Variants in GSTA4 observed in about 807,000 individuals in gnomAD.
GSTA4 encodes glutathione S-transferase A4.
A neutral mutation model predicts 24.4 loss-of-function variants in GSTA4; 15 were observed. The observed-to-expected ratio is 0.61, with a 90% CI of 0.41 to 0.95. The LOEUF (loss-of-function observed/expected upper bound fraction) is 0.95. GSTA4 is among the 40% of genes least tolerant of loss of function. The pLI, the probability that GSTA4 is intolerant of heterozygous loss-of-function variation, is 0.00. For missense variants in GSTA4, 244 were observed against 262.1 expected, an observed-to-expected ratio of 0.93 and a Z score of 0.48; for synonymous variants, 92 against 94.2, an observed-to-expected ratio of 0.98 and a Z score of 0.13.
At chr6:52,988,805 T>C (rs180848554) in intron 2 of GSTA4, among the ~76,000 whole-genome samples, 1 of 152,296 alleles carries the variant, frequency 6.6e-6, no homozygotes, top group East Asian at 1.9e-4. Context: ...GTGAAGGCAG[T>C]GTTAATTTTC....
chr6:52,984,795 T>C (rs373167004), intron 4 of GSTA4, among the ~76,000 whole-genome samples, 190 bp from the exon 5 acceptor site: 3 of 151,362 alleles, frequency 2.0e-5, no homozygotes, highest in East Asian at 3.9e-4. Context: ...CTCAGAAAAA[T>C]CTGTCACAGA....
Position 52,978,152 on chromosome 6 carries a change from C to G in GSTA4, c.*318G>C. ...AGACGCTCAGGAGAGTAGAAAGACACTCAGGAGAGAACAAGAGATCCTGCC... is the reference window on the plus strand; with the variant it reads ...AGACGCTCAGGAGAGTAGAAAGACAGTCAGGAGAGAACAAGAGATCCTGCC... On this transcript the variant is annotated 3_prime_UTR_variant, in exon 7 of 7. Transcript: ENST00000370963. The G allele has an allele frequency of 3.6e-6, 1 of 281,068 alleles. No homozygotes were observed. The highest frequency in any genetic ancestry group is 6.6e-6 in the Non-Finnish European group (1 of 152,000). 17.4% of individuals were successfully genotyped at this position (281,068 alleles called of 1,614,324 possible).
intron 6 of GSTA4, among the ~76,000 whole-genome samples, chr6:52,981,498 A>G (rs1288288136): frequency 6.6e-6 from 1 of 152,260 alleles, no homozygotes; most frequent in East Asian, 1.9e-4. Context: ...CATTGTGTAA[A>G]TGAGTGGGCA....
rs1356510713 is a variant in GSTA4 at position 52,985,502 on chromosome 6, T to C, written c.221A>G (p.Tyr74Cys). Residue 74 changes from tyrosine (Y) to cysteine (C), a missense_variant, in exon 4 of 7, where the codon TAC becomes TGC. By Grantham distance (194) the Tyr-to-Cys change is radical (BLOSUM62 -2). Coordinates refer to ENST00000370963, the MANE Select transcript of GSTA4 (RefSeq NM_001512.4). ...KLVQTRSILH[Y>C]IADKHNLFGK... Reference sequence around the variant, plus strand: ...AAAGAGATTGTGCTTGTCTGCTATGTAGTGGAGAATGCTTCGGGTCTGTAC... The same window carrying C: ...AAAGAGATTGTGCTTGTCTGCTATGCAGTGGAGAATGCTTCGGGTCTGTAC... 2 of 1,614,002 alleles carry C rather than the reference T, an allele frequency of 1.2e-6. No homozygotes were observed. The highest frequency in any genetic ancestry group is 1.7e-6 in the Non-Finnish European group (2 of 1,179,850).
At chr6:52,986,681 A>C (rs529395873) in intron 3 of GSTA4, among the ~76,000 whole-genome samples, 3 of 152,270 alleles carry the variant, frequency 2.0e-5, no homozygotes, top group African/African-American at 7.2e-5. Context: ...GCACATGCCT[A>C]GTGGCTTCCA....
intron 6 of GSTA4, among the ~76,000 whole-genome samples, chr6:52,980,122 A>G (rs186098402): frequency 1.3e-5 from 2 of 152,314 alleles, no homozygotes; most frequent in African/African-American, 4.8e-5. Context: ...TTATTATAGT[A>G]TCATCAATGT....
At chr6:52,978,651 A>T in intron 6 of GSTA4, 59 bp from the exon 7 acceptor site, 1 of 1,345,172 alleles carries the variant, frequency 7.4e-7, no homozygotes, top group South Asian at 1.3e-5. Flanking sequence ...TACTACGAAG[A>T]TATGGTTATG....
At chr6:52,984,830 GCT>G (rs1208542255) in intron 4 of GSTA4, among the ~76,000 whole-genome samples, 1 of 152,070 alleles carries the variant, frequency 6.6e-6, no homozygotes, top group Non-Finnish European at 1.5e-5. Context: ...AGTCATGAGT[GCT>G]CTCTCTCCTG....
At chr6:52,979,604 T>C (rs1763411442) in intron 6 of GSTA4, among the ~76,000 whole-genome samples, 1 of 152,242 alleles carries the variant, frequency 6.6e-6, no homozygotes, top group Admixed American at 6.5e-5. Context: ...ATGCTCATCA[T>C]ATATAATTAT....
chr6:52,988,381 G>A (rs1372399764), intron 2 of GSTA4, among the ~76,000 whole-genome samples: 8 of 152,006 alleles, frequency 5.3e-5, no homozygotes, highest in Non-Finnish European at 7.4e-5. Context: ...GATTTATAAT[G>A]GAGAGATCGG....
chr6:52,981,340 T>C (rs1244515764), intron 6 of GSTA4, among the ~76,000 whole-genome samples: 3 of 152,194 alleles, frequency 2.0e-5, no homozygotes, highest in Admixed American at 6.5e-5. Context: ...GTCAAACATA[T>C]AGCAATTTGG....
intron 2 of GSTA4, among the ~76,000 whole-genome samples, chr6:52,989,707 G>A (rs894640700): frequency 2.6e-5 from 4 of 152,082 alleles, no homozygotes; most frequent in African/African-American, 4.8e-5. Flanking sequence ...AAGCCTAGAT[G>A]GTCAGATGTA....
At chr6:52,982,475 T>TGC in intron 6 of GSTA4, 99 bp downstream of exon 6, 1 of 577,204 alleles carries the variant, frequency 1.7e-6, no homozygotes. Context: ...ATATTACACA[T>TGC]ACACACACAC....
chr6:52,982,908 A>C (rs994810279), intron 5 of GSTA4, among the ~76,000 whole-genome samples: 1 of 151,986 alleles, frequency 6.6e-6, no homozygotes, highest in African/African-American at 2.4e-5. Context: ...AGAGAGCGAG[A>C]GAGAGAGAGA....
intron 1 of GSTA4, 101 bp from the exon 2 acceptor site, chr6:52,994,362 G>A (rs902775026): frequency 1.0e-5 from 6 of 582,794 alleles, no homozygotes; most frequent in African/African-American, 3.7e-5. Context: ...ATTTTGGCAC[G>A]GGAAACTGTT....
chr6:52,982,544 G>A, intron 6 of GSTA4, 30 bp downstream of exon 6: 1 of 1,578,376 alleles, frequency 6.3e-7, no homozygotes, highest in East Asian at 2.2e-5. Context: ...AGAGTTCTAG[G>A]CCAATCTTCT....
intron 2 of GSTA4, chr6:52,987,641 G>A: frequency 2.3e-6 from 1 of 440,706 alleles, no homozygotes. Context: ...AGGCTGGGAA[G>A]TGTAGAGAGG....
In GSTA4 at chr6:52,978,029, G is replaced by A. The variant is rs1763378032; in HGVS notation, c.*441C>T. 1 of 157,528 alleles carries A rather than the reference G, an allele frequency of 6.3e-6. No homozygotes were observed. The highest frequency in any genetic ancestry group is 1.4e-5 in the Non-Finnish European group (1 of 72,174). 9.8% of individuals were successfully genotyped at this position (157,528 alleles called of 1,614,324 possible). ...CCATTTTATTTATTACAGCTCAGAG[G>A]AGAGTCATTTACTAGACATTCGGTT... On this transcript the variant is annotated 3_prime_UTR_variant, in exon 7 of 7. Coordinates refer to ENST00000370963, the MANE Select transcript of GSTA4 (RefSeq NM_001512.4).
chr6:52,987,458 G>A (rs753102909), intron 2 of GSTA4, 50 bp from the exon 3 acceptor site: 4 of 987,902 alleles, frequency 4.0e-6, no homozygotes, highest in Non-Finnish European at 6.3e-6. Flanking sequence ...ATATTATTCA[G>A]CCATTAAGAA....
Sources: gnomAD v4.1 joint callset for allele counts (sites outside exome capture counted in the v4.1 genomes callset) on GRCh38, gnomAD v4.1.1 for gene constraint, MANE v1.5 for transcripts, NCBI Gene and HGNC (gene_info 2026-07-23, HGNC 2026-07-21) for gene names.